SNX29: variants seen among roughly 807,000 people sequenced by gnomAD.
SNX29 encodes sorting nexin-29.
A neutral mutation model predicts 102.1 loss-of-function variants in SNX29; 78 were observed. The observed-to-expected ratio is 0.76, with a 90% confidence interval of 0.64 to 0.92. The LOEUF (loss-of-function observed/expected upper bound fraction) is 0.92. Among genes scored for constraint, SNX29 ranks in the 40% least tolerant of loss-of-function variants. The probability of loss-of-function intolerance (pLI) is 0.00; values close to 1 mark genes in which losing one functional copy is unlikely to be tolerated. For synonymous variants in SNX29, 580 were observed against 414.5 expected (o/e 1.40, Z -4.85); for missense variants, 1,280 against 1,061.7 (o/e 1.21, Z -2.86).
intron 10 of SNX29, among the ~76,000 whole-genome samples, chr16:12,073,876 GGATA>G (rs2051419381): frequency 6.6e-6 from 1 of 151,748 alleles, no homozygotes; most frequent in African/African-American, 2.4e-5. Flanking sequence ...TATATATTTA[GGATA>G]GTTAGCTCTT....
intron 12 of SNX29, among the ~76,000 whole-genome samples, chr16:12,127,327 A>T (rs1256040385): frequency 1.3e-5 from 2 of 152,076 alleles, no homozygotes; most frequent in Non-Finnish European, 1.5e-5. Flanking sequence ...TACTATATTC[A>T]CAGGAGTTAA....
intron 20 of SNX29, among the ~76,000 whole-genome samples, chr16:12,552,145 C>G (rs1430490971): frequency 2.0e-5 from 3 of 152,204 alleles, no homozygotes; most frequent in Non-Finnish European, 2.9e-5. Flanking sequence ...AGGCCACATT[C>G]CAGTACAGCT....
chr16:12,046,864 C>A (rs573491961), intron 6 of SNX29, among the ~76,000 whole-genome samples: 6 of 152,286 alleles, frequency 3.9e-5, no homozygotes, highest in Admixed American at 3.3e-4. Flanking sequence ...AGTGATCCAC[C>A]CGCCTTGGCC....
At chr16:12,538,594 C>T (rs144953835) in intron 20 of SNX29, among the ~76,000 whole-genome samples, 4 of 152,094 alleles carry the variant, frequency 2.6e-5, no homozygotes, top group East Asian at 1.9e-4. Context: ...GTCTGGGAAT[C>T]AGTAGGTGGA....
chr16:12,528,290 C>G (rs2076840690), intron 20 of SNX29, among the ~76,000 whole-genome samples: 1 of 152,152 alleles, frequency 6.6e-6, no homozygotes, highest in Non-Finnish European at 1.5e-5. Flanking sequence ...ACCTCTACCT[C>G]CGGTTCAAGT....
At chr16:12,383,780 T>TTC in intron 16 of SNX29, among the ~76,000 whole-genome samples, 1 of 150,136 alleles carries the variant, frequency 6.7e-6, no homozygotes, top group African/African-American at 2.4e-5. Context: ...TTCTTTTTTT[T>TTC]TTTTTTTTTT....
At chr16:12,491,655 A>G (rs1231191426) in intron 19 of SNX29, among the ~76,000 whole-genome samples, 2 of 152,022 alleles carry the variant, frequency 1.3e-5, no homozygotes, top group Non-Finnish European at 2.9e-5. Flanking sequence ...CATTAGGTAT[A>G]TCTCCTAATG....
At chr16:12,204,507 C>A (rs937687547) in intron 14 of SNX29, among the ~76,000 whole-genome samples, 4 of 152,130 alleles carry the variant, frequency 2.6e-5, no homozygotes, top group African/African-American at 9.7e-5. Flanking sequence ...TAGTCCTGTT[C>A]AATAGCAATG....
intron 18 of SNX29, among the ~76,000 whole-genome samples, chr16:12,422,042 A>G (rs572810171): frequency 1.1e-4 from 16 of 152,108 alleles, no homozygotes; most frequent in African/African-American, 2.9e-4. Context: ...ATCATCACCT[A>G]TCATCCATAT....
At chr16:12,541,451 A>G (rs1201669577) in intron 20 of SNX29, among the ~76,000 whole-genome samples, 1 of 152,180 alleles carries the variant, frequency 6.6e-6, no homozygotes, top group Non-Finnish European at 1.5e-5. Context: ...CAAAGGACCC[A>G]CGCTTAGTGC....
At chr16:12,531,717 C>T (rs548031862) in intron 20 of SNX29, among the ~76,000 whole-genome samples, 34 of 152,102 alleles carry the variant, frequency 2.2e-4, no homozygotes, top group Admixed American at 6.6e-4. Context: ...AGGGGAAGCC[C>T]GCTTGGGAGC....
At chr16:11,983,836 C>A in intron 1 of SNX29, 1 of 366,004 alleles carries the variant, frequency 2.7e-6, no homozygotes. Context: ...CCATCTGCCA[C>A]TGTCTTGTCT....
chr16:12,240,391 A>G (rs527490681), intron 14 of SNX29, among the ~76,000 whole-genome samples: 4 of 152,180 alleles, frequency 2.6e-5, no homozygotes, highest in South Asian at 2.1e-4. Context: ...ATTTGATTGC[A>G]AGTTTTATTT....
intron 4 of SNX29, among the ~76,000 whole-genome samples, chr16:12,037,811 C>T (rs3862455): frequency 2.0e-5 from 3 of 151,896 alleles, no homozygotes; most frequent in East Asian, 1.9e-4. Context: ...AAAAATTAGC[C>T]GTGTATGGTG....
intron 13 of SNX29, among the ~76,000 whole-genome samples, chr16:12,139,794 A>G (rs2054801888): frequency 6.6e-6 from 1 of 151,998 alleles, no homozygotes; most frequent in Non-Finnish European, 1.5e-5. Context: ...CAGCCTGGGC[A>G]ACACGGTGAG....
chr16:12,028,835 G>A lies in SNX29; in HGVS notation c.247+1391G>A, dbSNP rs138884767. ...ACCGTCTTGGCTCAATGCAACCTCC[G>A]CTTCCTGGGTTCAGGCGATTCTCCT... On this transcript the variant is annotated intron_variant, in intron 4 of 20. Coordinates refer to ENST00000566228, the MANE Select transcript of SNX29 (RefSeq NM_032167.5). Among the ~76,000 whole-genome samples the A allele has an allele frequency of 2.3e-3, 347 of 152,022 alleles. 1 individual carries two copies. The highest frequency in any genetic ancestry group is 4.1e-3 in the Admixed American group (62 of 15,264).
intron 15 of SNX29, among the ~76,000 whole-genome samples, chr16:12,352,691 G>C (rs563335719): frequency 6.6e-6 from 1 of 152,176 alleles, no homozygotes; most frequent in Non-Finnish European, 1.5e-5. Flanking sequence ...ACTTCTGCTG[G>C]CTAGGTGGTG....
At chr16:12,540,705 A>G (rs1160288465) in intron 20 of SNX29, among the ~76,000 whole-genome samples, 2 of 152,158 alleles carry the variant, frequency 1.3e-5, no homozygotes, top group African/African-American at 4.8e-5. Flanking sequence ...CTCACATATG[A>G]AGACGCTCCA....
intron 14 of SNX29, among the ~76,000 whole-genome samples, chr16:12,240,921 G>C (rs532943084): frequency 6.6e-6 from 1 of 152,144 alleles, no homozygotes; most frequent in South Asian, 2.1e-4. Flanking sequence ...TGTCATTCTT[G>C]TGGTAAATCT....
Sources: allele counts gnomAD v4.1 joint callset (sites outside exome capture counted in the v4.1 genomes callset), GRCh38; gene constraint gnomAD v4.1.1; transcripts MANE v1.5; gene names NCBI Gene and HGNC (gene_info 2026-07-23, HGNC 2026-07-21).